RUFY3: variants seen among roughly 807,000 people sequenced by gnomAD.
RUFY3 encodes protein RUFY3.
In RUFY3, 34 loss-of-function variants were observed where a neutral mutation model predicts 84.0. The observed-to-expected ratio is 0.40, with a 90% confidence interval of 0.31 to 0.54. The LOEUF is 0.54. Among genes scored for constraint, RUFY3 ranks in the 20% least tolerant of loss-of-function variants. The pLI, the probability that RUFY3 is intolerant of heterozygous loss-of-function variation, is 0.39. For missense variants in RUFY3, 507 were observed against 736.8 expected, an observed-to-expected ratio of 0.69 and a Z score of 3.61; for synonymous variants, 242 against 252.9, an observed-to-expected ratio of 0.96 and a Z score of 0.41.
rs771847082 is a variant in RUFY3 at position 70,762,512 on chromosome 4, G to A, written c.179-7G>A. 10 of 1,593,370 alleles carry A rather than the reference G, an allele frequency of 6.3e-6. 1 individual carries two copies. The Middle Eastern group carries it at 1.7e-3, about 265-fold the overall frequency. ...CCAGCCTTCATCTTCTTCCCCTTTG[G>A]CTGCAGATCCTAATTATCTCATGGC... is the stretch of plus-strand genomic sequence containing the variant. On this transcript the variant is annotated splice_polypyrimidine_tract_variant and splice_region_variant and intron_variant, in intron 1 of 17. Coordinates refer to ENST00000381006, the MANE Select transcript of RUFY3 (RefSeq NM_001037442.4).
At chr4:70,719,232 C>A (rs1201012652), upstream of RUFY3, among the ~76,000 whole-genome samples, 1 of 152,194 alleles carries the variant, frequency 6.6e-6, no homozygotes, top group Non-Finnish European at 1.5e-5. Context: ...GATACCAATA[C>A]AGGCATGTTT....
intron 1 of RUFY3, among the ~76,000 whole-genome samples, chr4:70,761,879 T>C (rs1042443261): frequency 6.6e-6 from 1 of 152,180 alleles, no homozygotes; most frequent in Non-Finnish European, 1.5e-5. Context: ...TGGGGCTTTA[T>C]TTTTAGAGCA....
chr4:70,783,707 C>T (rs924804912), intron 9 of RUFY3, among the ~76,000 whole-genome samples: 5 of 152,056 alleles, frequency 3.3e-5, no homozygotes, highest in Admixed American at 1.3e-4. Context: ...TAGCCCTTTA[C>T]GATGACTGAG....
intron 1 of RUFY3, among the ~76,000 whole-genome samples, chr4:70,727,628 T>A (rs953493057): frequency 6.6e-6 from 1 of 151,102 alleles, no homozygotes; most frequent in Non-Finnish European, 1.5e-5. Context: ...AGTGCTGGGA[T>A]TACAAAAAAT....
chr4:70,770,102 A>G (rs1481979941), intron 5 of RUFY3, among the ~76,000 whole-genome samples: 2 of 152,214 alleles, frequency 1.3e-5, no homozygotes, highest in Non-Finnish European at 2.9e-5. Context: ...GATTACAGGC[A>G]TGAACCACCA....
At position 70,722,550 on chromosome 4, in the gene RUFY3, T is replaced by C. The variant is rs541269455; in HGVS notation, c.-24T>C. 6.2e-6 allele frequency: 10 copies of C among 1,607,032 alleles called. No individual in the cohort carries two copies. The East Asian group carries it at 2.2e-4, about 36-fold the overall frequency. On this transcript the variant is annotated 5_prime_UTR_variant, in exon 1 of 18. Coordinates refer to ENST00000381006, the MANE Select transcript of RUFY3 (RefSeq NM_001037442.4). ...GTGAGTGTGTGTGTGTCTGTGTGTG[T>C]GTTGTGGTCCCAGCTGAGTCATCAT...
intron 2 of RUFY3, among the ~76,000 whole-genome samples, 174 bp downstream of exon 2, chr4:70,762,866 T>C (rs745505374): frequency 2.0e-5 from 3 of 152,336 alleles, no homozygotes; most frequent in South Asian, 2.1e-4. Flanking sequence ...AATGGACTTA[T>C]AGGGCTTTAA....
In RUFY3 at chr4:70,773,554, G is replaced by A; in HGVS notation, c.740G>A (p.Ser247Asn). The A allele has an allele frequency of 1.2e-6, 2 of 1,610,702 alleles. No homozygotes were observed. Among genetic ancestry groups the A allele is most frequent in the East Asian group, 4.5e-5 (2 of 44,752 alleles). ...TCAATGTATCTCAAGGACGGGAACA[G>A]CAGTAAAGGTACTGAAGGGTACGTA... ...DFSMYLKDGN[S>N]SKGTEGDGQI... Residue 247 changes from serine to asparagine, a missense_variant, in exon 6 of 18, where the codon AGC becomes AAC. Physicochemically the swap from Ser to Asn is conservative, Grantham distance 46 (BLOSUM62 1). Around this residue, in one of 4 missense-constraint regions of RUFY3, gnomAD observed 23 missense variants for 17.0 expected, o/e 1.36. Transcript: ENST00000381006.
At chr4:70,767,163 G>A (rs1045297598) in intron 4 of RUFY3, among the ~76,000 whole-genome samples, 2 of 150,882 alleles carry the variant, frequency 1.3e-5, no homozygotes, top group Non-Finnish European at 2.9e-5. Flanking sequence ...TCAGCTCACC[G>A]CAATCTCCGC....
rs114390461 is a variant in RUFY3 at position 70,789,811 on chromosome 4, A to G, written c.1337+219A>G. The G allele has an allele frequency of 3.2e-4, 379 of 1,191,866 alleles. 1 individual carries two copies. The African/African-American group carries it at 5.9e-3, about 18-fold the overall frequency. 73.8% of individuals were successfully genotyped at this position (1,191,866 alleles called of 1,614,324 possible). ...ATCACTTGACTAGCCTTTAAAAAAA[A>G]AAAAGAAAGGTCAGCCTTTTATGAC... On this transcript the variant is annotated intron_variant, in intron 12 of 17. Transcript: ENST00000381006.
exon 1 of RUFY3, chr4:70,704,815 A>AGGTGGC (rs988225829): frequency 9.2e-5 from 56 of 608,752 alleles, no homozygotes; most frequent in Middle Eastern, 5.4e-4. Flanking sequence ...CCGAGAAGAA[A>AGGTGGC]GGTGGCGGTG....
At chr4:70,804,693 C>T (rs747638622) in intron 17 of RUFY3, among the ~76,000 whole-genome samples, 6 of 149,860 alleles carry the variant, frequency 4.0e-5, no homozygotes, top group Admixed American at 6.7e-5. Flanking sequence ...CGAGGCGGGC[C>T]GATCACAAGG....
chr4:70,737,701 G>T (rs1363187610), intron 1 of RUFY3, among the ~76,000 whole-genome samples: 2 of 141,994 alleles, frequency 1.4e-5, no homozygotes, highest in Non-Finnish European at 3.0e-5. Flanking sequence ...TTTTGAGATA[G>T]GGTCTTGCTC....
intron 1 of RUFY3, among the ~76,000 whole-genome samples, chr4:70,728,772 A>T (rs1227436458): frequency 6.6e-6 from 1 of 152,178 alleles, no homozygotes; most frequent in Non-Finnish European, 1.5e-5. Flanking sequence ...AAAAATCGCA[A>T]TTTAAAATAA....
At chr4:70,762,058 A>G (rs1308115537) in intron 1 of RUFY3, among the ~76,000 whole-genome samples, 4 of 152,142 alleles carry the variant, frequency 2.6e-5, no homozygotes, top group African/African-American at 9.7e-5. Flanking sequence ...GCTCACGCGT[A>G]TTATCCCAAC....
chr4:70,778,573 C>CTTTTTTTTTTTTTTTTTTTTT (rs377520137), intron 8 of RUFY3, 135 bp downstream of exon 8: 1 of 147,146 alleles, frequency 6.8e-6, no homozygotes, highest in Non-Finnish European at 1.3e-5. Flanking sequence ...ACTTCTTATT[C>CTTTTTTTTTTTTTTTTTTTTT]TTTTTTTTTT....
chr4:70,748,071 C>T (rs894135525), intron 1 of RUFY3, among the ~76,000 whole-genome samples: 1 of 152,166 alleles, frequency 6.6e-6, no homozygotes, highest in Admixed American at 6.5e-5. Context: ...TACAGTTCTT[C>T]GTGGCAGACC....
chr4:70,722,237 T>A lies in RUFY3; in HGVS notation c.-337T>A. The A allele has an allele frequency of 8.1e-7, 1 of 1,230,578 alleles. No individual in the cohort carries two copies. Among genetic ancestry groups the A allele is most frequent in the Non-Finnish European group, 1.0e-6 (1 of 987,912 alleles). The allele number at this position is 1,230,578 out of a possible 1,614,324, so 76.2% of individuals were successfully genotyped here. On this transcript the variant is annotated 5_prime_UTR_variant, in exon 1 of 18. Coordinates refer to ENST00000381006, the MANE Select transcript of RUFY3 (RefSeq NM_001037442.4). ...AAGGCAGCATCAGCTGTGCGGGATT[T>A]AAAGCCTATAGCTCAGCTGAAAAAA...
intron 1 of RUFY3, among the ~76,000 whole-genome samples, chr4:70,727,753 C>T (rs1462984466): frequency 1.3e-5 from 2 of 148,982 alleles, no homozygotes; most frequent in Admixed American, 1.3e-4. Flanking sequence ...TGCCACTGCA[C>T]TCCAGCCTGG....
Sources: gnomAD v4.1 joint callset for allele counts (sites outside exome capture counted in the v4.1 genomes callset) on GRCh38, gnomAD v4.1.1 for gene constraint, gnomAD v4.1.1 regional missense constraint, MANE v1.5 for transcripts, NCBI Gene and HGNC (gene_info 2026-07-23, HGNC 2026-07-21) for gene names.